Variants in CSTA observed in about 807,000 individuals in gnomAD.
CSTA encodes the protein cystatin-A.
CSTA carries 9 observed loss-of-function variants against 9.2 expected under a neutral mutation model. The ratio of observed to expected loss-of-function variants is 0.97; its 90% CI spans 0.59 to 1.70. CSTA has a LOEUF of 1.70. CSTA is among the 40% of genes most tolerant of loss of function. CSTA has a pLI of 0.00. For synonymous variants in CSTA, 36 were observed against 40.6 expected (o/e 0.89, Z 0.43); for missense variants, 118 against 113.1 (o/e 1.04, Z -0.20).
intron 1 of CSTA, among the ~76,000 whole-genome samples, chr3:122,329,005 G>A (rs767176084): frequency 1.8e-4 from 27 of 150,036 alleles, no homozygotes; most frequent in Non-Finnish European, 3.7e-4. Context: ...TCGCTCTGTC[G>A]CCCAGGCTGG....
chr3:122,336,197 C>T (rs1039692788), intron 1 of CSTA, among the ~76,000 whole-genome samples: 3 of 152,066 alleles, frequency 2.0e-5, no homozygotes, highest in African/African-American at 4.8e-5. Flanking sequence ...TCTTAAATAC[C>T]GTTCTCCAAT....
intron 1 of CSTA, among the ~76,000 whole-genome samples, chr3:122,328,617 G>A (rs1356590161): frequency 1.3e-5 from 2 of 151,916 alleles, no homozygotes; most frequent in Admixed American, 6.6e-5. Context: ...GTTAGGAAAC[G>A]GAAATACACT....
chr3:122,326,530 T>C (rs926453658), intron 1 of CSTA, among the ~76,000 whole-genome samples: 1 of 152,214 alleles, frequency 6.6e-6, no homozygotes, highest in East Asian at 1.9e-4. Flanking sequence ...GATCAGCTTT[T>C]TGTGTGATTA....
intron 2 of CSTA, chr3:122,337,937 G>A (rs1003026601): frequency 1.8e-5 from 7 of 386,232 alleles, no homozygotes; most frequent in Middle Eastern, 1.6e-3. Flanking sequence ...CTGTGCTGCT[G>A]CTTAGGTAAG....
rs138813522 is a variant in CSTA at position 122,334,891 on chromosome 3, G to A, written c.67-2656G>A. ...CAGAACGTCACAATGGCGCAGGCATGAGCAACACCAAAAAGTCGTAGCCAG... is the reference window on the plus strand; with the variant it reads ...CAGAACGTCACAATGGCGCAGGCATAAGCAACACCAAAAAGTCGTAGCCAG... On this transcript the variant is annotated intron_variant, in intron 1 of 2. Transcript: ENST00000264474. 7.2e-5 allele frequency among the ~76,000 whole-genome samples: 11 copies of A among 152,288 alleles called. No homozygotes were observed. The South Asian group carries it at 1.0e-3, about 14-fold the overall frequency.
intron 1 of CSTA, among the ~76,000 whole-genome samples, chr3:122,334,539 A>G (rs1218082116): frequency 6.6e-6 from 1 of 152,282 alleles, no homozygotes; most frequent in East Asian, 1.9e-4. Flanking sequence ...GCCTTGGGAG[A>G]ATCCTAGATG....
rs1321015847 is a variant in CSTA at position 122,337,581 on chromosome 3, CTT to C, written c.102_103del (p.Tyr35ArgfsTer9). ...CAGCTTGAAGAAAAAACAAATGAGA[CTT>C]ACGGAAAATTGGAAGCTGTGCAGTA... On this transcript the variant is annotated frameshift_variant, in exon 2 of 3. Transcript: ENST00000264474. LOFTEE classifies it high-confidence loss of function. 1 of 1,613,004 alleles carries C rather than the reference CTT, an allele frequency of 6.2e-7. No individual in the cohort carries two copies. The highest frequency in any genetic ancestry group is 1.7e-5 in the Admixed American group (1 of 60,004).
chr3:122,329,608 G>A (rs976045654), intron 1 of CSTA, among the ~76,000 whole-genome samples: 3 of 152,092 alleles, frequency 2.0e-5, no homozygotes, highest in African/African-American at 7.2e-5. Context: ...GAATATCACT[G>A]AATCATTTCA....
At chr3:122,328,098 C>T (rs1389089044) in intron 1 of CSTA, among the ~76,000 whole-genome samples, 1 of 152,280 alleles carries the variant, frequency 6.6e-6, no homozygotes, top group Admixed American at 6.5e-5. Flanking sequence ...TTTTTAAAAG[C>T]TTGACCTCCA....
At chr3:122,325,553 C>T (rs777408164) in intron 1 of CSTA, among the ~76,000 whole-genome samples, 195 bp downstream of exon 1, 1 of 152,184 alleles carries the variant, frequency 6.6e-6, no homozygotes, top group Non-Finnish European at 1.5e-5. Context: ...GTGAGTGTGA[C>T]CTTGAGCAAA....
At chr3:122,335,321 A>G (rs2075230321) in intron 1 of CSTA, among the ~76,000 whole-genome samples, 2 of 152,192 alleles carry the variant, frequency 1.3e-5, no homozygotes, top group Non-Finnish European at 2.9e-5. Context: ...GGTGTGATTA[A>G]GTTAAGGCTC....
At position 122,341,581 on chromosome 3, in the gene CSTA, A is replaced by G. The variant is rs2075266311; in HGVS notation, c.*14A>G. The G allele has an allele frequency of 3.1e-6, 5 of 1,613,960 alleles. No homozygotes were observed. In the South Asian group the frequency reaches 5.5e-5, roughly 18 times the overall value. On this transcript the variant is annotated 3_prime_UTR_variant, in exon 3 of 3. Coordinates refer to ENST00000264474, the MANE Select transcript of CSTA (RefSeq NM_005213.4). ...ACGGGCTTTTAGCAGCATGTACCCAAAGTGTTCTGATTCCTTCAACTGGCT... is the reference window on the plus strand; with the variant it reads ...ACGGGCTTTTAGCAGCATGTACCCAGAGTGTTCTGATTCCTTCAACTGGCT...
intron 1 of CSTA, among the ~76,000 whole-genome samples, chr3:122,332,706 A>T (rs1179692198): frequency 1.3e-5 from 2 of 152,176 alleles, no homozygotes; most frequent in African/African-American, 4.8e-5. Flanking sequence ...CCCCGGCTGG[A>T]GACCAAGCGA....
chr3:122,338,925 C>G (rs1401485271), intron 2 of CSTA, among the ~76,000 whole-genome samples: 2 of 152,186 alleles, frequency 1.3e-5, no homozygotes, highest in Non-Finnish European at 2.9e-5. Context: ...CTTTTGCCCT[C>G]TCTTAATCAG....
At chr3:122,341,066 A>G (rs2075262963) in intron 2 of CSTA, among the ~76,000 whole-genome samples, 1 of 151,358 alleles carries the variant, frequency 6.6e-6, no homozygotes, top group South Asian at 2.1e-4. Context: ...CTCAGCCTCT[A>G]GAGTAGCTGG....
At chr3:122,325,716 G>T (rs2075166849) in intron 1 of CSTA, among the ~76,000 whole-genome samples, 1 of 152,184 alleles carries the variant, frequency 6.6e-6, no homozygotes, top group Non-Finnish European at 1.5e-5. Flanking sequence ...ACGTGTAATT[G>T]AAGTCTAAGG....
At chr3:122,326,427 C>T (rs6801854) in intron 1 of CSTA, among the ~76,000 whole-genome samples, 140,769 of 152,302 alleles carry the variant, frequency 0.92, 66,027 homozygotes, top group East Asian at 1. Context: ...CAAATTACTA[C>T]TTTAGGTTTT....
intron 1 of CSTA, among the ~76,000 whole-genome samples, chr3:122,330,637 C>A (rs1576891351): frequency 6.6e-6 from 1 of 152,216 alleles, no homozygotes. Flanking sequence ...AGAAAACCCT[C>A]TTCCAAGATT....
intron 1 of CSTA, among the ~76,000 whole-genome samples, chr3:122,331,684 C>T (rs72971298): frequency 2.6e-5 from 4 of 152,128 alleles, no homozygotes; most frequent in African/African-American, 9.7e-5. Context: ...CTTAACAACC[C>T]GGACAGGACC....
Sources: gnomAD v4.1 joint callset for allele counts (sites outside exome capture counted in the v4.1 genomes callset) on GRCh38, gnomAD v4.1.1 for gene constraint, MANE v1.5 for transcripts, NCBI Gene and HGNC (gene_info 2026-07-23, HGNC 2026-07-21) for gene names.